Variants in SIPA1L3 observed in about 807,000 individuals in gnomAD.
The protein encoded by SIPA1L3 is signal induced proliferation associated 1 like 3.
Under a neutral mutation model 150.1 loss-of-function variants are expected in SIPA1L3, and 59 were observed. The ratio of observed to expected loss-of-function variants is 0.39; its 90% CI spans 0.32 to 0.49. The LOEUF is 0.49. SIPA1L3 is among the 20% of genes least tolerant of loss of function. The pLI is 0.86. For missense variants in SIPA1L3, 2,211 were observed against 2,489.5 expected (o/e 0.89, Z 2.38); for synonymous variants, 1,070 against 1,077.6 (o/e 0.99, Z 0.14).
intron 1 of SIPA1L3, among the ~76,000 whole-genome samples, chr19:37,966,883 A>G (rs1245088634): frequency 6.6e-6 from 1 of 152,166 alleles, no homozygotes; most frequent in East Asian, 1.9e-4. Flanking sequence ...GGTTGGGAAC[A>G]CAGACTTCTG....
At chr19:38,071,440 C>T (rs1324947865) in intron 2 of SIPA1L3, among the ~76,000 whole-genome samples, 1 of 152,084 alleles carries the variant, frequency 6.6e-6, no homozygotes, top group African/African-American at 2.4e-5. Flanking sequence ...GCATGCACCA[C>T]CATGCCTCGC....
chr19:38,007,788 TTTA>T (rs1967991830), intron 1 of SIPA1L3, among the ~76,000 whole-genome samples: 1 of 152,158 alleles, frequency 6.6e-6, no homozygotes, highest in Non-Finnish European at 1.5e-5. Flanking sequence ...ATTTAGTTAC[TTTA>T]TTGAGATCTC....
At chr19:38,156,906 T>C (rs1220609832) in intron 13 of SIPA1L3, among the ~76,000 whole-genome samples, 1 of 152,102 alleles carries the variant, frequency 6.6e-6, no homozygotes, top group Non-Finnish European at 1.5e-5. Flanking sequence ...CTCACACCTA[T>C]AATTCTAGCA....
At chr19:38,150,214 G>A (rs1043831426) in intron 12 of SIPA1L3, among the ~76,000 whole-genome samples, 4 of 152,168 alleles carry the variant, frequency 2.6e-5, no homozygotes, top group Non-Finnish European at 4.4e-5. Context: ...AGGTGTCAGT[G>A]GTCAAGGTCT....
intron 1 of SIPA1L3, among the ~76,000 whole-genome samples, chr19:38,018,886 A>C (rs910051168): frequency 3.3e-5 from 5 of 152,148 alleles, no homozygotes; most frequent in African/African-American, 1.2e-4. Flanking sequence ...GTCCAGAGTG[A>C]GGTAGTGCCC....
chr19:38,164,460 C>A lies in SIPA1L3; in HGVS notation c.3781-19C>A. 2 of 1,582,410 alleles carry A rather than the reference C, an allele frequency of 1.3e-6. No individual in the cohort carries two copies. The highest frequency in any genetic ancestry group is 1.7e-6 in the Non-Finnish European group (2 of 1,158,448). On this transcript the variant is annotated intron_variant, in intron 14 of 21. Transcript: ENST00000222345. The surrounding 1 kb of genome is among the most constrained non-coding windows in gnomAD (Gnocchi z 4.1). ...CCTGCCCTGGAGTCTGGGAATGACA[C>A]GCTTCTCTTGCCTCTCAGGGAGAAC... is the stretch of plus-strand genomic sequence containing the variant.
intron 1 of SIPA1L3, among the ~76,000 whole-genome samples, chr19:37,913,258 G>C (rs1051150641): frequency 6.6e-6 from 1 of 152,076 alleles, no homozygotes. Flanking sequence ...ATTTTATTGA[G>C]TTGACAGATG....
At chr19:38,008,734 T>C (rs1035188173) in intron 1 of SIPA1L3, among the ~76,000 whole-genome samples, 4 of 151,662 alleles carry the variant, frequency 2.6e-5, no homozygotes, top group Non-Finnish European at 5.9e-5. Context: ...TTTTTAAAAA[T>C]TTTTTGGTAG....
chr19:37,981,972 T>C (rs1967212748), intron 1 of SIPA1L3, among the ~76,000 whole-genome samples: 1 of 152,152 alleles, frequency 6.6e-6, no homozygotes, highest in African/African-American at 2.4e-5. Context: ...TGTGAGCACG[T>C]TAATCTATCT....
At chr19:38,136,995 G>C (rs1249820823) in intron 10 of SIPA1L3, among the ~76,000 whole-genome samples, 2 of 152,196 alleles carry the variant, frequency 1.3e-5, no homozygotes, top group East Asian at 3.8e-4. Flanking sequence ...CAGTTGTCAT[G>C]TGCAGACTCT....
intron 5 of SIPA1L3, among the ~76,000 whole-genome samples, 188 bp downstream of exon 5, chr19:38,100,338 G>C (rs925249789): frequency 2.6e-5 from 4 of 152,182 alleles, no homozygotes; most frequent in African/African-American, 9.6e-5. Context: ...ATGTAACTGG[G>C]TCTCCTAAAG....
intron 2 of SIPA1L3, among the ~76,000 whole-genome samples, chr19:38,049,246 A>G (rs1355896299): frequency 6.6e-6 from 1 of 152,074 alleles, no homozygotes; most frequent in East Asian, 1.9e-4. Context: ...TCCTTCCCCC[A>G]GTCTGAAATA....
At chr19:37,952,692 AAAAT>A (rs2046775516) in intron 1 of SIPA1L3, among the ~76,000 whole-genome samples, 2 of 152,218 alleles carry the variant, frequency 1.3e-5, no homozygotes, top group Admixed American at 1.3e-4. Flanking sequence ...ATAAAATATA[AAAAT>A]AAATAAATAA....
chr19:38,025,288 G>A (rs1401817649), intron 1 of SIPA1L3, among the ~76,000 whole-genome samples: 1 of 152,198 alleles, frequency 6.6e-6, no homozygotes, highest in African/African-American at 2.4e-5. Flanking sequence ...GAAGTGCTCG[G>A]CCTGTATGTC....
intron 9 of SIPA1L3, among the ~76,000 whole-genome samples, chr19:38,130,062 G>A (rs10414927): frequency 0.029 from 4,410 of 152,144 alleles, 202 homozygotes; most frequent in African/African-American, 0.1. Context: ...GCAAGTCTCC[G>A]TCTCAAAAAT....
At position 38,136,332 on chromosome 19, in the gene SIPA1L3, A is replaced by G. The variant is rs577033516; in HGVS notation, c.3144-4852A>G. Among the ~76,000 whole-genome samples the G allele has an allele frequency of 3.3e-5, 5 of 152,156 alleles. 1 individual carries two copies. The South Asian group carries it at 1.0e-3, about 32-fold the overall frequency. On this transcript the variant is annotated intron_variant, in intron 10 of 21. Transcript: ENST00000222345. ...TAAAAAAAATTCAAGGGCCAGACGC[A>G]GTGGCTCACACCTATAATCCCAGCA... is the stretch of plus-strand genomic sequence containing the variant.
At chr19:37,956,054 A>T (rs1189385947) in intron 1 of SIPA1L3, among the ~76,000 whole-genome samples, 1 of 152,194 alleles carries the variant, frequency 6.6e-6, no homozygotes, top group Non-Finnish European at 1.5e-5. Flanking sequence ...CACAGGCGTG[A>T]TCATGGCGCA....
Position 38,145,584 on chromosome 19 carries a change from C to T in SIPA1L3, c.3533+2874C>T, listed in dbSNP as rs538557961. Among the ~76,000 whole-genome samples the T allele has an allele frequency of 1.9e-3, 290 of 151,918 alleles. 1 individual carries two copies. Among genetic ancestry groups the T allele is most frequent in the African/African-American group, 6.6e-3 (275 of 41,402 alleles). ...ACAGGGAGGTCTTGTGAACCTGAACCCTTCACGCAGCCTCCCCTATTGTTA... is the reference window on the plus strand; with the variant it reads ...ACAGGGAGGTCTTGTGAACCTGAACTCTTCACGCAGCCTCCCCTATTGTTA... On this transcript the variant is annotated intron_variant, in intron 12 of 21. Coordinates refer to ENST00000222345, the MANE Select transcript of SIPA1L3 (RefSeq NM_015073.3).
chr19:38,029,156 G>C lies in SIPA1L3; in HGVS notation c.-311G>C, dbSNP rs1432645817. On this transcript the variant is annotated splice_region_variant and 5_prime_UTR_variant, in exon 2 of 22. Transcript: ENST00000222345. ...GCACTAGTGTCTAGAAGGCACTAAG[G>C]GTGAGTAAGGCGTGGCTGCTGGTTT... 6.6e-6 allele frequency: 1 copy of C among 152,090 alleles called. No individual in the cohort carries two copies. Among genetic ancestry groups the C allele is most frequent in the Non-Finnish European group, 1.5e-5 (1 of 68,028 alleles). The allele number at this position is 152,090 out of a possible 1,614,324, so 9.4% of individuals were successfully genotyped here. A position where few individuals can be genotyped will look rare whatever the true frequency, so the allele number is the denominator to read the frequency against.
Sources: gnomAD v4.1 joint callset for allele counts (sites outside exome capture counted in the v4.1 genomes callset) on GRCh38, gnomAD v4.1.1 for gene constraint, Gnocchi (gnomAD v3.1) non-coding constraint, MANE v1.5 for transcripts, NCBI Gene and HGNC (gene_info 2026-07-23, HGNC 2026-07-21) for gene names.